Variants in KANSL1L observed in about 807,000 individuals in gnomAD.
KANSL1L encodes KAT8 regulatory NSL complex subunit 1 like, also known as KAT8 regulatory NSL complex subunit 1-like protein.
In KANSL1L, 25 loss-of-function variants were observed where a neutral mutation model predicts 108.6. That is an observed-to-expected ratio of 0.23 (90% CI 0.17 to 0.32). The LOEUF (loss-of-function observed/expected upper bound fraction) is 0.32, where lower values mean the gene tolerates loss of function less well. Ranked by LOEUF, KANSL1L falls within the 10% of genes least tolerant of loss-of-function variation. The pLI is 1.00. For synonymous variants in KANSL1L, 405 were observed against 395.1 expected, an observed-to-expected ratio of 1.03 and a Z score of -0.30; for missense variants, 1,137 against 1,125.7, an observed-to-expected ratio of 1.01 and a Z score of -0.14.
intron 2 of KANSL1L, among the ~76,000 whole-genome samples, chr2:210,144,437 T>C (rs2095251708): frequency 6.6e-6 from 1 of 152,214 alleles, no homozygotes; most frequent in African/African-American, 2.4e-5. Context: ...TTAATTGCTA[T>C]AATGTGAACA....
chr2:210,148,708 T>G (rs116128317), intron 2 of KANSL1L, among the ~76,000 whole-genome samples: 3,136 of 152,304 alleles, frequency 0.021, 57 homozygotes, highest in Non-Finnish European at 0.032. Flanking sequence ...ATTTATTGCC[T>G]ACTACATTTT....
intron 8 of KANSL1L, among the ~76,000 whole-genome samples, chr2:210,034,615 G>A (rs1230264793): frequency 6.6e-6 from 1 of 152,166 alleles, no homozygotes; most frequent in East Asian, 1.9e-4. Flanking sequence ...AGTGATTAAA[G>A]GGAAAAATGG....
In KANSL1L at chr2:210,104,193, G is replaced by A. The variant is rs201863865; in HGVS notation, c.1339C>T (p.Pro447Ser). Residue 447 changes from proline (P) to serine (S), a missense_variant, in exon 4 of 15, where the codon CCC (proline) becomes TCC (serine). Pro to Ser is a moderately conservative substitution (Grantham distance 74). Coordinates refer to ENST00000281772, the MANE Select transcript of KANSL1L (RefSeq NM_152519.4). ...GGTACAGGATCTTGACACTCCTGGG[G>A]AACCTGAGGATTCCCTAGAATGTTT... The part of the protein sequence containing the change: ...SLNILGNPQV[P>S]QECQDPVPEQ... 6 of 1,613,620 alleles carry A rather than the reference G, an allele frequency of 3.7e-6. No individual in the cohort carries two copies. The highest frequency in any genetic ancestry group is 1.7e-5 in the Admixed American group (1 of 59,976).
At chr2:210,090,024 G>A (rs553542173) in intron 5 of KANSL1L, among the ~76,000 whole-genome samples, 1 of 152,134 alleles carries the variant, frequency 6.6e-6, no homozygotes, top group Non-Finnish European at 1.5e-5. Flanking sequence ...CCACACTAAA[G>A]CACTTTTTTT....
At chr2:210,159,472 T>C (rs1203295552) in intron 1 of KANSL1L, among the ~76,000 whole-genome samples, 1 of 152,172 alleles carries the variant, frequency 6.6e-6, no homozygotes, top group African/African-American at 2.4e-5. Flanking sequence ...CACCTGACAT[T>C]ATATTACATT....
intron 11 of KANSL1L, among the ~76,000 whole-genome samples, chr2:210,027,960 G>C (rs1012460897): frequency 6.6e-6 from 1 of 152,174 alleles, no homozygotes; most frequent in Non-Finnish European, 1.5e-5. Context: ...AGTAGTAAAA[G>C]AAATGAAATT....
At chr2:210,141,757 A>C (rs1388028146) in intron 2 of KANSL1L, among the ~76,000 whole-genome samples, 1 of 152,164 alleles carries the variant, frequency 6.6e-6, no homozygotes, top group Non-Finnish European at 1.5e-5. Flanking sequence ...TCGATACCTA[A>C]TCTGTTGAGA....
Position 210,153,840 on chromosome 2 carries a change from AGCATCT to A in KANSL1L, c.737_742del (p.Gln246_Met247del). ...GTGCTTAACAACATGCTTTGCCAGGAGCATCTGCAAATGTTTCTGAGTTCTTCTAGC... is the reference window on the plus strand; with the variant it reads ...GTGCTTAACAACATGCTTTGCCAGGAGCAAATGTTTCTGAGTTCTTCTAGC... On this transcript the variant is annotated inframe_deletion, in exon 2 of 15. Transcript: ENST00000281772. 1 of 1,612,740 alleles carries A rather than the reference AGCATCT, an allele frequency of 6.2e-7. No individual in the cohort carries two copies. The highest frequency in any genetic ancestry group is 1.1e-5 in the South Asian group (1 of 90,740).
chr2:210,159,826 CG>C, intron 1 of KANSL1L, among the ~76,000 whole-genome samples: 1 of 152,032 alleles, frequency 6.6e-6, no homozygotes, highest in African/African-American at 2.4e-5. Flanking sequence ...CCGAGGCAGG[CG>C]GATCGAGACC....
chr2:210,068,356 A>AAT (rs1559530546), intron 6 of KANSL1L, among the ~76,000 whole-genome samples: 1 of 151,974 alleles, frequency 6.6e-6, no homozygotes, highest in Non-Finnish European at 1.5e-5. Flanking sequence ...ATCTTTGTTG[A>AAT]ATATATACAC....
chr2:210,059,430 C>T (rs2094395858), intron 6 of KANSL1L, among the ~76,000 whole-genome samples: 1 of 152,210 alleles, frequency 6.6e-6, no homozygotes. Context: ...GTAATTTGCA[C>T]AGTACTGCAC....
chr2:210,072,882 G>A (rs2094517237), intron 6 of KANSL1L, among the ~76,000 whole-genome samples: 1 of 152,108 alleles, frequency 6.6e-6, no homozygotes, highest in South Asian at 2.1e-4. Context: ...AATGATTCTT[G>A]TCCAATCAAT....
chr2:210,157,691 GA>G (rs56676129), intron 1 of KANSL1L, among the ~76,000 whole-genome samples: 197 of 47,192 alleles, frequency 4.2e-3, no homozygotes, highest in East Asian at 0.024. Context: ...CACTGTCACA[GA>G]AAAAAAAAAA....
At chr2:210,079,393 C>T (rs1274324584) in intron 5 of KANSL1L, among the ~76,000 whole-genome samples, 1 of 150,954 alleles carries the variant, frequency 6.6e-6, no homozygotes, top group African/African-American at 2.4e-5. Context: ...GTCAGGAGTT[C>T]GAGACCAGCC....
rs200607185 is a variant in KANSL1L at position 210,148,440 on chromosome 2, G to A, written c.1088+5055C>T. Among the ~76,000 whole-genome samples the A allele has an allele frequency of 4.6e-5, 7 of 152,260 alleles. No homozygotes were observed. In the East Asian group the frequency reaches 1.4e-3, roughly 29 times the overall value. ...ACCCACATCCCCTCACATTTAACCA[G>A]TTCAGTGTTCATGGACCTGACTGGG... is the stretch of plus-strand genomic sequence containing the variant. On this transcript the variant is annotated intron_variant, in intron 2 of 14. Coordinates refer to ENST00000281772, the MANE Select transcript of KANSL1L (RefSeq NM_152519.4).
chr2:210,138,379 T>G (rs1216886638), intron 2 of KANSL1L, among the ~76,000 whole-genome samples: 1 of 152,164 alleles, frequency 6.6e-6, no homozygotes, highest in East Asian at 1.9e-4. Flanking sequence ...GCTCACTACC[T>G]GGACAATGGG....
chr2:210,113,013 G>A (rs2094923354), intron 3 of KANSL1L, among the ~76,000 whole-genome samples: 2 of 152,178 alleles, frequency 1.3e-5, no homozygotes, highest in South Asian at 2.1e-4. Flanking sequence ...TATACAGCCT[G>A]CATAAGTCAG....
At chr2:210,061,639 A>G (rs1375181100) in intron 6 of KANSL1L, among the ~76,000 whole-genome samples, 1 of 152,234 alleles carries the variant, frequency 6.6e-6, no homozygotes, top group Non-Finnish European at 1.5e-5. Flanking sequence ...CTAGGTAGAT[A>G]AAGCAACATT....
intron 13 of KANSL1L, 70 bp downstream of exon 13, chr2:210,025,034 A>C (rs1469115461): frequency 8.1e-6 from 8 of 983,644 alleles, no homozygotes; most frequent in Non-Finnish European, 1.3e-5. Context: ...GGTCTCACCC[A>C]AAATTCATGC....
Sources: gnomAD v4.1 joint callset for allele counts (sites outside exome capture counted in the v4.1 genomes callset) on GRCh38, gnomAD v4.1.1 for gene constraint, MANE v1.5 for transcripts, NCBI Gene and HGNC (gene_info 2026-07-23, HGNC 2026-07-21) for gene names.